AQP9: variants seen among roughly 807,000 people sequenced by gnomAD.
AQP9 encodes the protein aquaporin 9.
AQP9 carries 19 observed loss-of-function variants against 23.8 expected under a neutral mutation model. That is an observed-to-expected ratio of 0.80 (90% CI 0.56 to 1.17). AQP9 has a LOEUF of 1.17. AQP9 is among the 50% of genes most tolerant of loss of function. AQP9 has a pLI of 0.00. For synonymous variants in AQP9, 153 were observed against 131.5 expected (o/e 1.16, Z -1.12); for missense variants, 413 against 362.0 (o/e 1.14, Z -1.14).
At chr15:58,183,377 AAG>A (rs1898936019) in intron 5 of AQP9, among the ~76,000 whole-genome samples, 5 of 152,208 alleles carry the variant, frequency 3.3e-5, no homozygotes, top group Admixed American at 3.3e-4. Flanking sequence ...GGATTTCTGG[AAG>A]AGAGAGAGCC....
intron 2 of AQP9, among the ~76,000 whole-genome samples, chr15:58,167,735 T>G (rs144103558): frequency 1.4e-5 from 2 of 139,526 alleles, no homozygotes; most frequent in African/African-American, 6.1e-5. Flanking sequence ...TTTGGTTTTG[T>G]TTTTTTTTAG....
intron 4 of AQP9, among the ~76,000 whole-genome samples, chr15:58,175,390 T>C (rs191802814): frequency 4.1e-4 from 62 of 152,368 alleles, no homozygotes; most frequent in Non-Finnish European, 7.5e-4. Flanking sequence ...AGAAGATATT[T>C]CTATTTCAAA....
chr15:58,142,292 T>C (rs1897965146), intron 1 of AQP9, among the ~76,000 whole-genome samples: 1 of 152,214 alleles, frequency 6.6e-6, no homozygotes, highest in African/African-American at 2.4e-5. Context: ...AAGAGACTTA[T>C]CAGCCCTTGA....
intron 1 of AQP9, among the ~76,000 whole-genome samples, chr15:58,139,058 G>A (rs1467172545): frequency 6.6e-6 from 1 of 152,150 alleles, no homozygotes. Flanking sequence ...CAGCCACCTG[G>A]AATAAGCATC....
rs750460591 is a variant in AQP9 at position 58,185,286 on chromosome 15, CAGA to C, written c.*1155_*1157del. On this transcript the variant is annotated 3_prime_UTR_variant, in exon 6 of 6. Coordinates refer to ENST00000219919, the MANE Select transcript of AQP9 (RefSeq NM_020980.5). ...TTATCTAATGCATTCCTCTACCTTT[CAGA>C]AGATCAGTAGCTGGCTGACAATCTT... The C allele has an allele frequency of 5.2e-5, 8 of 152,660 alleles. No individual in the cohort carries two copies. The highest frequency in any genetic ancestry group is 8.8e-5 in the Non-Finnish European group (6 of 68,042). The allele number at this position is 152,660 out of a possible 1,614,324, so 9.5% of individuals were successfully genotyped here.
chr15:58,146,551 G>T (rs1173475630), intron 1 of AQP9, among the ~76,000 whole-genome samples: 1 of 151,654 alleles, frequency 6.6e-6, no homozygotes. Context: ...CTGTTCTGTC[G>T]TCTCGAGTTG....
chr15:58,141,117 G>T (rs374574460), intron 1 of AQP9, among the ~76,000 whole-genome samples: 3 of 152,164 alleles, frequency 2.0e-5, no homozygotes, highest in Admixed American at 6.5e-5. Context: ...TTACTAGTGT[G>T]GGGGGAAAGT....
rs753410663 is a variant in AQP9, at chr15:58,184,011, C to T, written c.764C>T (p.Ala255Val). 46 of 1,613,982 alleles carry T rather than the reference C, an allele frequency of 2.9e-5. No homozygotes were observed. Among genetic ancestry groups the T allele is most frequent in the Admixed American group, 2.7e-4 (16 of 60,008 alleles). ...WIPVVGPLVG[A>V]VIGGLIYVLV... is the part of the protein sequence containing the mutation. ...CCTGTAGTGGGCCCTTTGGTTGGTG[C>T]TGTCATTGGAGGCCTCATCTATGTT... The change falls in exon 6 of 6, where the codon GCT becomes GTT. Residue 255 changes from alanine to valine, a missense_variant. Ala to Val is a moderately conservative substitution (Grantham distance 64, BLOSUM62 0). Coordinates refer to ENST00000219919, the MANE Select transcript of AQP9 (RefSeq NM_020980.5).
intron 1 of AQP9, chr15:58,164,179 A>T (rs1454915579): frequency 2.6e-5 from 4 of 152,154 alleles, no homozygotes; most frequent in Admixed American, 2.6e-4. Context: ...ATCATAGTGA[A>T]ATTTGACAAG....
intron 5 of AQP9, 54 bp downstream of exon 5, chr15:58,179,399 TG>T: frequency 1.3e-6 from 2 of 1,508,376 alleles, no homozygotes; most frequent in Admixed American, 1.9e-5. Flanking sequence ...GCCTCACCAG[TG>T]GGGCGGGGCT....
At chr15:58,144,072 T>C (rs1438042535) in intron 1 of AQP9, among the ~76,000 whole-genome samples, 1 of 152,238 alleles carries the variant, frequency 6.6e-6, no homozygotes, top group Non-Finnish European at 1.5e-5. Context: ...TCAATTCCAG[T>C]GCAGTGATTA....
chr15:58,156,804 T>C, intron 1 of AQP9, among the ~76,000 whole-genome samples: 1 of 152,174 alleles, frequency 6.6e-6, no homozygotes, highest in East Asian at 1.9e-4. Context: ...GTTGGCCACT[T>C]CCAGATTCCC....
rs1899016316 is a variant in AQP9, at chr15:58,185,737, C to T, written c.*1602C>T. 2 of 152,170 alleles carry T rather than the reference C, an allele frequency of 1.3e-5. No homozygotes were observed. Among genetic ancestry groups the T allele is most frequent in the Admixed American group, 1.3e-4 (2 of 15,266 alleles). 9.4% of individuals were successfully genotyped at this position (152,170 alleles called of 1,614,324 possible). On this transcript the variant is annotated 3_prime_UTR_variant, in exon 6 of 6. Transcript: ENST00000219919. ...AAACTGTCAAAAAGCCCAGAATTCC[C>T]AAAGGCATTAGGTTTCCCAACTGCT...
chr15:58,163,390 G>A (rs1463990931), intron 1 of AQP9, among the ~76,000 whole-genome samples: 1 of 152,090 alleles, frequency 6.6e-6, no homozygotes, highest in East Asian at 1.9e-4. Flanking sequence ...CACCCAAGGG[G>A]ACAGAATAAA....
chr15:58,178,568 G>C (rs552345124), intron 4 of AQP9, among the ~76,000 whole-genome samples: 15 of 152,274 alleles, frequency 9.9e-5, no homozygotes, highest in African/African-American at 3.4e-4. Context: ...AGATCTATTA[G>C]AAAAGCCTGA....
intron 3 of AQP9, among the ~76,000 whole-genome samples, chr15:58,174,479 C>A (rs979783032): frequency 6.6e-6 from 1 of 152,122 alleles, no homozygotes; most frequent in Non-Finnish European, 1.5e-5. Flanking sequence ...GGCTGCAATA[C>A]CCCTGGCTCT....
At chr15:58,181,598 T>C (rs1453042439) in intron 5 of AQP9, among the ~76,000 whole-genome samples, 1 of 152,100 alleles carries the variant, frequency 6.6e-6, no homozygotes, top group Non-Finnish European at 1.5e-5. Context: ...GCTGGAAGGG[T>C]GCAGAAAGAA....
intron 1 of AQP9, among the ~76,000 whole-genome samples, chr15:58,157,647 C>T (rs1444326102): frequency 2.6e-5 from 4 of 152,020 alleles, no homozygotes; most frequent in Non-Finnish European, 5.9e-5. Flanking sequence ...TTGATAACCA[C>T]AAAATTGGAA....
In AQP9 at chr15:58,155,269, T is replaced by C. The variant is rs760033725; in HGVS notation, c.112-11404T>C. ...CCTACACATTGGCCAAAGCTTATAC[T>C]ATGGTTCATTTATATTTCTAGAAAC... On this transcript the variant is annotated intron_variant, in intron 1 of 5. Transcript: ENST00000219919. 18 of 152,324 alleles carry C rather than the reference T, an allele frequency of 1.2e-4. 1 individual carries two copies. Among genetic ancestry groups the C allele is most frequent in the Admixed American group, 3.3e-4 (5 of 15,292 alleles). The allele number at this position is 152,324 out of a possible 1,614,324, so 9.4% of individuals were successfully genotyped here.
Sources: gnomAD v4.1 joint callset for allele counts (sites outside exome capture counted in the v4.1 genomes callset) on GRCh38, gnomAD v4.1.1 for gene constraint, MANE v1.5 for transcripts, NCBI Gene and HGNC (gene_info 2026-07-23, HGNC 2026-07-21) for gene names.